The following MRAP2 variants were observed in gnomAD, a reference collection of about 807,000 sequenced individuals.
The protein encoded by MRAP2 is melanocortin 2 receptor accessory protein 2.
In MRAP2, 20 loss-of-function variants were observed where a neutral mutation model predicts 17.4. The ratio of observed to expected loss-of-function variants is 1.15; its 90% CI spans 0.81 to 1.67. The LOEUF (loss-of-function observed/expected upper bound fraction) is 1.67. Ranked by LOEUF, MRAP2 falls within the 40% of genes most tolerant of loss-of-function variation. The pLI is 0.00. For missense variants in MRAP2, 238 were observed against 240.0 expected, an observed-to-expected ratio of 0.99 and a Z score of 0.05; for synonymous variants, 96 against 88.4, an observed-to-expected ratio of 1.09 and a Z score of -0.48.
the MRAP2 span, among the ~76,000 whole-genome samples, chr6:84,101,896 A>G: frequency 2.0e-5 from 3 of 152,220 alleles, no homozygotes; most frequent in African/African-American, 7.2e-5. Flanking sequence ...CTGTGTCATT[A>G]TCATCATTAT....
At chr6:84,069,546 G>A (rs2497145) in intron 3 of MRAP2, among the ~76,000 whole-genome samples, 2 of 151,870 alleles carry the variant, frequency 1.3e-5, no homozygotes, top group Non-Finnish European at 2.9e-5. Flanking sequence ...ATATCGGTCT[G>A]TAGTTTTCTT....
intron 1 of MRAP2, among the ~76,000 whole-genome samples, chr6:84,050,044 G>T (rs1363133095): frequency 1.3e-5 from 2 of 152,060 alleles, no homozygotes; most frequent in African/African-American, 2.4e-5. Context: ...CAGAGCATCA[G>T]ACTTCAAAAG....
At chr6:84,143,545 A>G in the MRAP2 span, among the ~76,000 whole-genome samples, 1 of 152,028 alleles carries the variant, frequency 6.6e-6, no homozygotes, top group Non-Finnish European at 1.5e-5. Flanking sequence ...AATCTGTACT[A>G]AAGTAGAATG....
chr6:84,117,285 A>G, the MRAP2 span, among the ~76,000 whole-genome samples: 3 of 152,224 alleles, frequency 2.0e-5, no homozygotes, highest in African/African-American at 7.2e-5. Context: ...GGCCTCCCAA[A>G]GTACTGGGAT....
intron 1 of MRAP2, 109 bp downstream of exon 1, chr6:84,033,992 C>A: frequency 8.2e-6 from 7 of 855,480 alleles, no homozygotes; most frequent in Non-Finnish European, 9.8e-6. Context: ...TGGGGGCAGT[C>A]TTTAGTTTAG....
At chr6:84,055,288 G>A (rs752951928) in intron 1 of MRAP2, 24 bp from the exon 2 acceptor site, 17 of 1,598,150 alleles carry the variant, frequency 1.1e-5, no homozygotes, top group Non-Finnish European at 1.3e-5. Context: ...CAGGTTCTGC[G>A]CTTGACTTTC....
Position 84,081,605 on chromosome 6 carries a change from G to C in MRAP2, c.228-7486G>C, listed in dbSNP as rs1028822496. Among the ~76,000 whole-genome samples the C allele has an allele frequency of 2.0e-5, 3 of 152,208 alleles. No homozygotes were observed. The South Asian group carries it at 6.2e-4, about 31-fold the overall frequency. On this transcript the variant is annotated intron_variant, in intron 3 of 3. Transcript: ENST00000257776. ...AGGCCGAAGCAGATGGATAATTTGA[G>C]GTCAGGAGTTCAAGGCCAGCATGGC...
intron 3 of MRAP2, among the ~76,000 whole-genome samples, chr6:84,083,508 A>C (rs1330709207): frequency 6.6e-6 from 1 of 152,222 alleles, no homozygotes; most frequent in Non-Finnish European, 1.5e-5. Flanking sequence ...AAAGAATTAC[A>C]GAAACAAATT....
At chr6:84,080,443 A>G (rs1192378915) in intron 3 of MRAP2, among the ~76,000 whole-genome samples, 1 of 152,178 alleles carries the variant, frequency 6.6e-6, no homozygotes, top group African/African-American at 2.4e-5. Context: ...ATCATCCCGT[A>G]GTTAAATTTT....
chr6:84,135,364 T>G, the MRAP2 span, among the ~76,000 whole-genome samples: 1 of 152,194 alleles, frequency 6.6e-6, no homozygotes. Context: ...GAAGATGCTT[T>G]CTTACTGGAG....
At chr6:84,062,331 CCTTG>C (rs965936202) in intron 2 of MRAP2, among the ~76,000 whole-genome samples, 8 of 152,174 alleles carry the variant, frequency 5.3e-5, no homozygotes, top group Non-Finnish European at 1.0e-4. Context: ...TGTTTCCGTA[CCTTG>C]CTTCTTTTTT....
the MRAP2 span, among the ~76,000 whole-genome samples, chr6:84,119,143 A>G: frequency 1.2e-4 from 19 of 152,258 alleles, no homozygotes; most frequent in South Asian, 3.9e-3. Context: ...CTTTTTGCTT[A>G]TGATTGTTTT....
the MRAP2 span, among the ~76,000 whole-genome samples, chr6:84,113,722 C>T: frequency 4.6e-5 from 7 of 152,170 alleles, no homozygotes; most frequent in Non-Finnish European, 7.4e-5. Context: ...GTGGCTGGTA[C>T]TGGTTGTTCC....
At chr6:84,055,749 T>G (rs2099491559) in intron 2 of MRAP2, among the ~76,000 whole-genome samples, 1 of 152,230 alleles carries the variant, frequency 6.6e-6, no homozygotes, top group South Asian at 2.1e-4. Context: ...TCCTCCAAAC[T>G]GTGAATGTTT....
At chr6:84,131,772 T>A in the MRAP2 span, among the ~76,000 whole-genome samples, 9 of 152,160 alleles carry the variant, frequency 5.9e-5, no homozygotes, top group African/African-American at 2.2e-4. Flanking sequence ...TACAGCACAC[T>A]GATGGGTTTT....
At chr6:84,135,623 GA>G in the MRAP2 span, among the ~76,000 whole-genome samples, 1 of 152,174 alleles carries the variant, frequency 6.6e-6, no homozygotes, top group Non-Finnish European at 1.5e-5. Context: ...AGCTCTTTGG[GA>G]GGCTGAGACG....
At chr6:84,135,676 G>A in the MRAP2 span, among the ~76,000 whole-genome samples, 3 of 152,018 alleles carry the variant, frequency 2.0e-5, no homozygotes, top group Admixed American at 6.6e-5. Flanking sequence ...CAGCCTGGCC[G>A]ACATGGTGAA....
the MRAP2 span, chr6:84,124,217 C>T: frequency 1.3e-5 from 2 of 151,896 alleles, no homozygotes; most frequent in Non-Finnish European, 2.9e-5. Context: ...TGGGAATCTA[C>T]CCAAAGGAAC....
downstream of MRAP2, among the ~76,000 whole-genome samples, chr6:84,091,605 A>C (rs1441859056): frequency 6.6e-6 from 1 of 152,200 alleles, no homozygotes; most frequent in Non-Finnish European, 1.5e-5. Context: ...GCTATTATTA[A>C]AGTTCACAGC....
Sources: allele counts gnomAD v4.1 joint callset (sites outside exome capture counted in the v4.1 genomes callset), GRCh38; gene constraint gnomAD v4.1.1; transcripts MANE v1.5; gene names NCBI Gene and HGNC (gene_info 2026-07-23, HGNC 2026-07-21).